PVT1: variants seen among roughly 807,000 people sequenced by gnomAD.
The protein encoded by PVT1 is Pvt1 oncogene.
chr8:127,999,300 A>T (rs1177346787), intron 4 of PVT1: 1 of 152,180 alleles, frequency 6.6e-6, no homozygotes, highest in Non-Finnish European at 1.5e-5. Context: ...CCCTGTAAAA[A>T]TTTTTAAAAA....
rs556056698 is a variant in PVT1 at position 127,880,777 on chromosome 8, C to T, written n.373-9812C>T. Among the ~76,000 whole-genome samples the T allele has an allele frequency of 3.3e-5, 5 of 151,950 alleles. No homozygotes were observed. The South Asian group carries it at 1.0e-3, about 32-fold the overall frequency. On this transcript the variant is annotated intron_variant and non_coding_transcript_variant, in intron 2 of 10. Coordinates refer to ENST00000651587, the Ensembl canonical transcript of PVT1. ...CACCATGACTGGCTAATTTTTTGTA[C>T]TTTAGTAGAGACGGGGTTTTGCCAT...
chr8:128,092,188 C>T (rs758124875), intron 5 of PVT1, among the ~76,000 whole-genome samples: 3 of 152,114 alleles, frequency 2.0e-5, no homozygotes, highest in Middle Eastern at 3.2e-3. Flanking sequence ...CCTGCTGTTT[C>T]CCATTTATTT....
At chr8:128,072,863 T>C (rs1352338899) in intron 5 of PVT1, among the ~76,000 whole-genome samples, 3 of 151,960 alleles carry the variant, frequency 2.0e-5, no homozygotes, top group Admixed American at 6.6e-5. Flanking sequence ...TTTGACAGAG[T>C]CTCACTGTTG....
chr8:128,017,627 G>A (rs1294856287), intron 4 of PVT1, among the ~76,000 whole-genome samples: 3 of 151,600 alleles, frequency 2.0e-5, no homozygotes, highest in African/African-American at 7.3e-5. Flanking sequence ...TTAGAGGCAG[G>A]GATCTTGCTA....
chr8:128,081,465 A>G (rs749830566), intron 5 of PVT1, among the ~76,000 whole-genome samples: 8 of 152,242 alleles, frequency 5.3e-5, no homozygotes. Context: ...GGAAACTGCC[A>G]TAGCTATATG....
intron 2 of PVT1, among the ~76,000 whole-genome samples, chr8:127,867,331 C>G (rs927095379): frequency 2.6e-5 from 4 of 152,204 alleles, no homozygotes; most frequent in Admixed American, 2.0e-4. Context: ...CCCATCAGCT[C>G]CTCTGCCTGG....
intron 4 of PVT1, among the ~76,000 whole-genome samples, chr8:128,046,512 A>G (rs985963067): frequency 1.3e-5 from 2 of 152,224 alleles, no homozygotes; most frequent in African/African-American, 4.8e-5. Context: ...CACATGGCCG[A>G]GAGTCTTCTC....
At chr8:128,001,467 C>T (rs1412925151) in intron 4 of PVT1, among the ~76,000 whole-genome samples, 1 of 152,036 alleles carries the variant, frequency 6.6e-6, no homozygotes, top group African/African-American at 2.4e-5. Flanking sequence ...GTACCGGTGC[C>T]CAGCTGCCCA....
At chr8:127,849,296 AGGGT>A (rs1815076351) in intron 2 of PVT1, among the ~76,000 whole-genome samples, 2 of 152,138 alleles carry the variant, frequency 1.3e-5, no homozygotes, top group African/African-American at 2.4e-5. Context: ...CCTCTAAGAC[AGGGT>A]CAGAGCAGTT....
intron 4 of PVT1, among the ~76,000 whole-genome samples, chr8:128,026,903 A>G (rs1265432860): frequency 6.6e-6 from 1 of 152,070 alleles, no homozygotes; most frequent in African/African-American, 2.4e-5. Flanking sequence ...AAGAGTCTGG[A>G]GCAGAATCTG....
At chr8:127,799,699 T>G (rs991291782) in intron 2 of PVT1, among the ~76,000 whole-genome samples, 3 of 152,172 alleles carry the variant, frequency 2.0e-5, no homozygotes, top group Non-Finnish European at 4.4e-5. Context: ...ACGAAAGAGA[T>G]GATGAACAGA....
intron 3 of PVT1, among the ~76,000 whole-genome samples, chr8:127,909,904 C>T (rs1210126245): frequency 2.0e-5 from 3 of 151,982 alleles, no homozygotes; most frequent in Non-Finnish European, 4.4e-5. Context: ...GAAGCAGGCA[C>T]ATGATGCTCC....
chr8:127,828,636 G>A (rs187143190), intron 2 of PVT1, among the ~76,000 whole-genome samples: 188 of 152,158 alleles, frequency 1.2e-3, no homozygotes, highest in African/African-American at 4.4e-3. Flanking sequence ...CTATAAACGT[G>A]GGGAGAGGGA....
At chr8:127,970,289 G>GTTTTT (rs68010926) in intron 3 of PVT1, among the ~76,000 whole-genome samples, 6,442 of 48,964 alleles carry the variant, frequency 0.13, 2,299 homozygotes, top group Admixed American at 0.22. Flanking sequence ...GCCATGATTT[G>GTTTTT]TTTTTTTTTT....
intron 4 of PVT1, among the ~76,000 whole-genome samples, chr8:128,027,705 G>A (rs903212934): frequency 6.6e-6 from 1 of 152,190 alleles, no homozygotes; most frequent in African/African-American, 2.4e-5. Flanking sequence ...TAGGGGCCCT[G>A]GTGTTCTGGC....
At chr8:127,816,861 C>T (rs2129671575) in intron 2 of PVT1, among the ~76,000 whole-genome samples, 1 of 152,312 alleles carries the variant, frequency 6.6e-6, no homozygotes, top group South Asian at 2.1e-4. Flanking sequence ...CCTTCAGCTT[C>T]CTTTGCCGCT....
chr8:127,972,128 T>C (rs1816771026), intron 3 of PVT1, among the ~76,000 whole-genome samples: 1 of 152,178 alleles, frequency 6.6e-6, no homozygotes, highest in Non-Finnish European at 1.5e-5. Flanking sequence ...ACTCCAGTGT[T>C]GGGATGGCAG....
At chr8:127,883,667 T>C (rs1404438720) in intron 2 of PVT1, among the ~76,000 whole-genome samples, 1 of 151,930 alleles carries the variant, frequency 6.6e-6, no homozygotes, top group East Asian at 1.9e-4. Flanking sequence ...AGAATTCCTA[T>C]TTTAACTTTG....
chr8:128,089,816 C>G (rs1436009352), intron 5 of PVT1, among the ~76,000 whole-genome samples: 2 of 152,152 alleles, frequency 1.3e-5, no homozygotes, highest in Non-Finnish European at 2.9e-5. Context: ...CAACAGGATC[C>G]TATCTATAAG....
Sources: allele counts gnomAD v4.1 joint callset (sites outside exome capture counted in the v4.1 genomes callset), GRCh38; gene constraint gnomAD v4.1.1; transcripts MANE v1.5; gene names NCBI Gene and HGNC (gene_info 2026-07-23, HGNC 2026-07-21).